Variants in CWC27 observed in about 807,000 individuals in gnomAD.
CWC27 encodes spliceosome-associated protein CWC27 homolog.
CWC27 carries 47 observed loss-of-function variants against 63.6 expected under a neutral mutation model. The ratio of observed to expected loss-of-function variants is 0.74; its 90% confidence interval spans 0.58 to 0.94. CWC27 has a LOEUF of 0.94. CWC27 is among the 40% of genes least tolerant of loss of function. The pLI, the probability that CWC27 is intolerant of heterozygous loss-of-function variation, is 0.00. For missense variants in CWC27, 495 were observed against 554.3 expected (o/e 0.89, Z 1.07); for synonymous variants, 175 against 179.8 (o/e 0.97, Z 0.22).
intron 11 of CWC27, among the ~76,000 whole-genome samples, chr5:64,943,646 C>G (rs1304865118): frequency 6.6e-6 from 1 of 152,186 alleles, no homozygotes; most frequent in Non-Finnish European, 1.5e-5. Flanking sequence ...ATAAATACCT[C>G]TGCCCCATGA....
intron 1 of CWC27, among the ~76,000 whole-genome samples, chr5:64,773,210 T>C (rs1398400296): frequency 1.3e-5 from 2 of 152,202 alleles, no homozygotes; most frequent in East Asian, 3.8e-4. Flanking sequence ...AACTTTGCCT[T>C]AAATATATAT....
chr5:65,001,496 G>A lies in CWC27; in HGVS notation c.1257-16663G>A, dbSNP rs748188757. 1.5e-4 allele frequency among the ~76,000 whole-genome samples: 23 copies of A among 152,028 alleles called. 1 individual carries two copies. Among genetic ancestry groups the A allele is most frequent in the Admixed American group, 5.9e-4 (9 of 15,258 alleles). Reference sequence around the variant, plus strand: ...TATTATATTGAGGTATGCTCCTTCCGTGCCTAATTTTTTGAGAGTTTTTAA... The same window carrying A: ...TATTATATTGAGGTATGCTCCTTCCATGCCTAATTTTTTGAGAGTTTTTAA... On this transcript the variant is annotated intron_variant, in intron 13 of 13. Coordinates refer to ENST00000381070, the MANE Select transcript of CWC27 (RefSeq NM_005869.4).
At chr5:64,849,485 T>C (rs1481211934) in intron 10 of CWC27, among the ~76,000 whole-genome samples, 2 of 152,172 alleles carry the variant, frequency 1.3e-5, no homozygotes, top group East Asian at 3.9e-4. Flanking sequence ...GGTGATTAGA[T>C]CATGGGGGTG....
chr5:64,802,295 C>T (rs1346338399), intron 9 of CWC27, among the ~76,000 whole-genome samples: 2 of 152,072 alleles, frequency 1.3e-5, no homozygotes, highest in African/African-American at 4.8e-5. Context: ...ACAAAATGGT[C>T]CGAAGCAGGA....
intron 10 of CWC27, among the ~76,000 whole-genome samples, chr5:64,828,181 A>G (rs1486918573): frequency 2.0e-5 from 3 of 152,106 alleles, no homozygotes; most frequent in Non-Finnish European, 2.9e-5. Context: ...GACATTTTTA[A>G]TTTAAGAAAA....
intron 7 of CWC27, among the ~76,000 whole-genome samples, chr5:64,797,867 G>A (rs929442508): frequency 6.6e-6 from 1 of 152,120 alleles, no homozygotes; most frequent in African/African-American, 2.4e-5. Flanking sequence ...TGGACCAAGA[G>A]CTTACTTAGA....
chr5:64,887,139 G>C (rs1376356614), intron 11 of CWC27, among the ~76,000 whole-genome samples: 1 of 151,824 alleles, frequency 6.6e-6, no homozygotes, highest in Non-Finnish European at 1.5e-5. Flanking sequence ...GTGTAACACT[G>C]TGACTTATAG....
intron 10 of CWC27, among the ~76,000 whole-genome samples, chr5:64,885,145 A>G (rs1041581068): frequency 6.6e-6 from 1 of 152,160 alleles, no homozygotes; most frequent in Non-Finnish European, 1.5e-5. Context: ...TAAATTATTA[A>G]ACTGAAACTA....
chr5:64,973,099 T>G (rs1749154812), intron 12 of CWC27, among the ~76,000 whole-genome samples: 1 of 152,216 alleles, frequency 6.6e-6, no homozygotes, highest in South Asian at 2.1e-4. Flanking sequence ...ATGAAAAGTC[T>G]TCAACCTCTT....
intron 11 of CWC27, among the ~76,000 whole-genome samples, chr5:64,962,338 A>G (rs558501236): frequency 1.3e-5 from 2 of 152,368 alleles, no homozygotes; most frequent in East Asian, 3.9e-4. Context: ...AAGGAAAATC[A>G]TAAGTACCAG....
intron 7 of CWC27, among the ~76,000 whole-genome samples, chr5:64,792,284 G>C (rs1373958281): frequency 1.3e-5 from 2 of 152,026 alleles, no homozygotes; most frequent in Admixed American, 1.3e-4. Flanking sequence ...CCAAGCGAGG[G>C]GCCTGGGAAG....
At chr5:64,870,393 C>T (rs1295213777) in intron 10 of CWC27, among the ~76,000 whole-genome samples, 6 of 150,510 alleles carry the variant, frequency 4.0e-5, no homozygotes, top group African/African-American at 1.2e-4. Context: ...TTGTTCTTAA[C>T]GTAATATAGT....
At chr5:64,787,952 C>G (rs367878741) in intron 6 of CWC27, among the ~76,000 whole-genome samples, 11 of 152,080 alleles carry the variant, frequency 7.2e-5, no homozygotes, top group African/African-American at 2.7e-4. Context: ...TTAAAACACC[C>G]AGTAGTATAG....
intron 10 of CWC27, among the ~76,000 whole-genome samples, chr5:64,837,696 G>A (rs529099163): frequency 1.9e-3 from 295 of 151,462 alleles, no homozygotes; most frequent in African/African-American, 6.7e-3. Flanking sequence ...TAAAAAAAAA[G>A]CCAAACCTCA....
rs772177567 is a variant in CWC27, at chr5:64,785,542, A to C, written c.458A>C (p.Glu153Ala). 1.9e-6 allele frequency: 3 copies of C among 1,591,386 alleles called. No individual in the cohort carries two copies. Among genetic ancestry groups the C allele is most frequent in the Admixed American group, 1.8e-5 (1 of 54,872 alleles). ...RLSEVDIDDDERPHNPHKIKS... is the reference protein window; with the variant it reads ...RLSEVDIDDDARPHNPHKIKS... ...TCAGAAGTAGACATTGATGATGACG[A>C]AAGACCACATAATCCACACAAAATA... is the stretch of plus-strand genomic sequence containing the variant. Residue 153 changes from glutamate to alanine, a missense_variant, in exon 5 of 14, where the codon GAA (glutamate) becomes GCA (alanine). This residue lies in a region of CWC27 where 463 missense variants were observed against 498.1 expected (regional missense o/e 0.93). Transcript: ENST00000381070.
intron 13 of CWC27, among the ~76,000 whole-genome samples, chr5:64,993,630 A>G (rs1749580431): frequency 6.6e-6 from 1 of 152,058 alleles, no homozygotes. Context: ...ATATATAGTC[A>G]TGGATTCTGG....
In CWC27 at chr5:64,964,114, T is replaced by G. The variant is rs192273062; in HGVS notation, c.1043-7589T>G. On this transcript the variant is annotated intron_variant, in intron 11 of 13. Coordinates refer to ENST00000381070, the MANE Select transcript of CWC27 (RefSeq NM_005869.4). ...TGGATCAGTCTTTCTGAGCTCAATTTTATTATTGTAATTTGTGATGCAAAG... is the reference window on the plus strand; with the variant it reads ...TGGATCAGTCTTTCTGAGCTCAATTGTATTATTGTAATTTGTGATGCAAAG... Among the ~76,000 whole-genome samples, 3 of 152,370 alleles carry G rather than the reference T, an allele frequency of 2.0e-5. No individual in the cohort carries two copies. The East Asian group carries it at 5.8e-4, about 29-fold the overall frequency.
intron 11 of CWC27, among the ~76,000 whole-genome samples, chr5:64,951,028 A>T (rs1748696897): frequency 6.6e-6 from 1 of 151,910 alleles, no homozygotes; most frequent in African/African-American, 2.4e-5. Context: ...GTTGATGAAT[A>T]CTTATGTTAC....
intron 11 of CWC27, among the ~76,000 whole-genome samples, chr5:64,940,017 G>A (rs562931840): frequency 6.6e-6 from 1 of 152,214 alleles, no homozygotes; most frequent in African/African-American, 2.4e-5. Flanking sequence ...TGCTGGCAGC[G>A]AGAATTTCAA....
Sources: gnomAD v4.1 joint callset for allele counts (sites outside exome capture counted in the v4.1 genomes callset) on GRCh38, gnomAD v4.1.1 for gene constraint, gnomAD v4.1.1 regional missense constraint, MANE v1.5 for transcripts, NCBI Gene and HGNC (gene_info 2026-07-23, HGNC 2026-07-21) for gene names.